Variants in NBEA observed in about 807,000 individuals in gnomAD.
NBEA encodes lysosomal-trafficking regulator 2.
NBEA carries 44 observed loss-of-function variants against 343.4 expected under a neutral mutation model. The ratio of observed to expected loss-of-function variants is 0.13; its 90% confidence interval spans 0.10 to 0.16. The LOEUF (loss-of-function observed/expected upper bound fraction) is 0.16. NBEA is among the 10% of genes least tolerant of loss of function. The pLI is 1.00. For missense variants in NBEA, 2,555 were observed against 3,631.3 expected, an observed-to-expected ratio of 0.70 and a Z score of 7.62; for synonymous variants, 1,175 against 1,238.7, an observed-to-expected ratio of 0.95 and a Z score of 1.08.
intron 11 of NBEA, among the ~76,000 whole-genome samples, chr13:35,100,032 G>A (rs553002191): frequency 1.8e-4 from 28 of 152,138 alleles, no homozygotes; most frequent in Non-Finnish European, 3.8e-4. Context: ...TCTCAACTAA[G>A]GGATAAACAT....
intron 9 of NBEA, 134 bp from the exon 10 acceptor site, chr13:35,070,585 A>G: frequency 1.2e-6 from 1 of 808,668 alleles, no homozygotes; most frequent in South Asian, 3.9e-5. Context: ...TTATATGTGT[A>G]TAAAAATTAT....
At chr13:35,629,699 T>G (rs1274468174) in intron 49 of NBEA, among the ~76,000 whole-genome samples, 1 of 152,204 alleles carries the variant, frequency 6.6e-6, no homozygotes, top group Admixed American at 6.5e-5. Flanking sequence ...CCCAACTGAG[T>G]ATCCCCAGTT....
chr13:35,043,869 C>A (rs542197205), intron 2 of NBEA, among the ~76,000 whole-genome samples: 1 of 151,892 alleles, frequency 6.6e-6, no homozygotes, highest in East Asian at 1.9e-4. Context: ...TTACCCTAAC[C>A]TAACCTTTTT....
intron 41 of NBEA, among the ~76,000 whole-genome samples, chr13:35,481,057 C>T (rs934396139): frequency 2.0e-5 from 3 of 151,910 alleles, no homozygotes; most frequent in African/African-American, 7.2e-5. Context: ...TTTTGAGAAT[C>T]GTGGTTAATT....
At chr13:34,975,613 C>T (rs2060144537) in intron 1 of NBEA, among the ~76,000 whole-genome samples, 1 of 152,000 alleles carries the variant, frequency 6.6e-6, no homozygotes, top group African/African-American at 2.4e-5. Flanking sequence ...AGCTTCAGTA[C>T]AGCAAAAGAA....
At chr13:35,279,904 T>C (rs796593196) in intron 34 of NBEA, among the ~76,000 whole-genome samples, 10 of 152,170 alleles carry the variant, frequency 6.6e-5, no homozygotes, top group African/African-American at 1.9e-4. Context: ...GGACATTTCC[T>C]AAGACATAAA....
chr13:35,384,634 T>C (rs368762357), intron 38 of NBEA, among the ~76,000 whole-genome samples: 14 of 151,646 alleles, frequency 9.2e-5, no homozygotes, highest in African/African-American at 2.9e-4. Flanking sequence ...CAGGCGATTC[T>C]TGTGCTTCTG....
intron 34 of NBEA, among the ~76,000 whole-genome samples, chr13:35,235,638 T>C (rs1566497884): frequency 6.6e-6 from 1 of 152,230 alleles, no homozygotes; most frequent in Non-Finnish European, 1.5e-5. Context: ...CAATTTTATG[T>C]TAACTGCTCT....
intron 18 of NBEA, among the ~76,000 whole-genome samples, chr13:35,143,891 CA>C (rs1299776068): frequency 2.4e-4 from 21 of 87,084 alleles, no homozygotes; most frequent in South Asian, 7.9e-4. Flanking sequence ...CTGTCCCCTT[CA>C]AAAAAAAAAA....
At chr13:35,505,664 C>T (rs1407827258) in intron 41 of NBEA, among the ~76,000 whole-genome samples, 2 of 152,132 alleles carry the variant, frequency 1.3e-5, no homozygotes, top group Non-Finnish European at 2.9e-5. Context: ...GTTAAAAATG[C>T]ATTCCCTTAA....
At chr13:35,117,821 G>A (rs2066580511) in intron 14 of NBEA, among the ~76,000 whole-genome samples, 1 of 151,950 alleles carries the variant, frequency 6.6e-6, no homozygotes, top group Admixed American at 6.6e-5. Context: ...TTTTATTGTA[G>A]TAGAATTTTT....
intron 43 of NBEA, among the ~76,000 whole-genome samples, chr13:35,553,802 T>A (rs2079457265): frequency 6.6e-6 from 1 of 152,188 alleles, no homozygotes; most frequent in Non-Finnish European, 1.5e-5. Context: ...GGTCATTTTT[T>A]AATTTTTTAG....
intron 41 of NBEA, among the ~76,000 whole-genome samples, chr13:35,482,011 T>C (rs1449501787): frequency 1.3e-5 from 2 of 151,826 alleles, no homozygotes; most frequent in Non-Finnish European, 3.0e-5. Flanking sequence ...ATTAAGCCAC[T>C]GGAAATATTC....
At chr13:34,978,922 A>G (rs1305888045) in intron 1 of NBEA, among the ~76,000 whole-genome samples, 1 of 152,166 alleles carries the variant, frequency 6.6e-6, no homozygotes, top group Non-Finnish European at 1.5e-5. Context: ...ACTTCCTTGA[A>G]TATTCACCCA....
Position 35,671,314 on chromosome 13 carries a change from C to T in NBEA, c.*323C>T, listed in dbSNP as rs1593534005. The stretch of plus-strand genomic sequence containing the variant: ...AGAGACTTTTGACAATTCTGAGGAA[C>T]CTTGTGTCCAGTTGTTACAAAGTTT... On this transcript the variant is annotated 3_prime_UTR_variant, in exon 59 of 59. Coordinates refer to ENST00000379939, the MANE Select transcript of NBEA (RefSeq NM_001385012.1). 2.1e-5 allele frequency: 4 copies of T among 194,338 alleles called. No homozygotes were observed. Among genetic ancestry groups the T allele is most frequent in the Non-Finnish European group, 3.2e-5 (3 of 94,706 alleles). The allele number at this position is 194,338 out of a possible 1,614,324, so 12.0% of individuals were successfully genotyped here.
intron 46 of NBEA, among the ~76,000 whole-genome samples, chr13:35,586,649 C>T (rs1052481838): frequency 2.6e-5 from 4 of 151,968 alleles, no homozygotes; most frequent in South Asian, 2.1e-4. Context: ...TTTTTAAATC[C>T]GGCACTTTTA....
At chr13:35,331,964 G>A (rs971041746) in intron 36 of NBEA, among the ~76,000 whole-genome samples, 1 of 151,844 alleles carries the variant, frequency 6.6e-6, no homozygotes, top group African/African-American at 2.4e-5. Flanking sequence ...CATGTTAAAT[G>A]TACTGTACAG....
At chr13:35,261,575 G>T (rs182392829) in intron 34 of NBEA, among the ~76,000 whole-genome samples, 1 of 151,900 alleles carries the variant, frequency 6.6e-6, no homozygotes, top group Non-Finnish European at 1.5e-5. Flanking sequence ...AAAAAAGAAA[G>T]AAATGGAACT....
chr13:35,338,396 T>C (rs2039393137), intron 36 of NBEA, among the ~76,000 whole-genome samples: 1 of 152,094 alleles, frequency 6.6e-6, no homozygotes, highest in Non-Finnish European at 1.5e-5. Flanking sequence ...AACACTAAAC[T>C]AAAACTGACT....
Sources: gnomAD v4.1 joint callset for allele counts (sites outside exome capture counted in the v4.1 genomes callset) on GRCh38, gnomAD v4.1.1 for gene constraint, MANE v1.5 for transcripts, NCBI Gene and HGNC (gene_info 2026-07-23, HGNC 2026-07-21) for gene names.